ZNF844: variants seen among roughly 807,000 people sequenced by gnomAD.
The protein encoded by ZNF844 is zinc finger protein 844.
In ZNF844, 11 loss-of-function variants were observed where a neutral mutation model predicts 11.4. That is an observed-to-expected ratio of 0.97 (90% CI 0.61 to 1.60). The LOEUF is 1.60. Ranked by LOEUF, ZNF844 falls within the 40% of genes most tolerant of loss-of-function variation. The probability of loss-of-function intolerance (pLI) is 0.00; values close to 1 mark genes in which losing one functional copy is unlikely to be tolerated. For missense variants in ZNF844, 790 were observed against 796.8 expected (o/e 0.99, Z 0.10); for synonymous variants, 248 against 260.3 (o/e 0.95, Z 0.46).
At chr19:12,066,658 T>A (rs1360451287) in intron 1 of ZNF844, among the ~76,000 whole-genome samples, 1 of 149,718 alleles carries the variant, frequency 6.7e-6, no homozygotes, top group Non-Finnish European at 1.5e-5. Flanking sequence ...GCCATTCTCC[T>A]GCCTCAGCCT....
rs1568361138 is a variant in ZNF844, at chr19:12,076,490, C to CA, written c.1371dup (p.Asp458ArgfsTer186). ...AGTGTAAGCAATGTGGGAAAGCCTT[C>CA]AGATCTGCCTCACACCTTCAAATGC... On this transcript the variant is annotated frameshift_variant, in exon 4 of 4. Transcript: ENST00000439326. LOFTEE classifies it low-confidence loss of function (END_TRUNC). 1.2e-6 allele frequency: 2 copies of CA among 1,610,748 alleles called. No homozygotes were observed. Among genetic ancestry groups the CA allele is most frequent in the Non-Finnish European group, 1.7e-6 (2 of 1,178,614 alleles).
In ZNF844 at chr19:12,080,687, A is replaced by G. The variant is rs1975888162; in HGVS notation, c.*3566A>G. Reference sequence around the variant, plus strand: ...AAGGGCAAATTGAAGAGAAATAAAGACTAAGATATTTTTTTAAAAGACTGA... The same window carrying G: ...AAGGGCAAATTGAAGAGAAATAAAGGCTAAGATATTTTTTTAAAAGACTGA... On this transcript the variant is annotated 3_prime_UTR_variant, in exon 4 of 4. Transcript: ENST00000439326. The G allele has an allele frequency of 6.5e-6, 1 of 152,928 alleles. No individual in the cohort carries two copies. The highest frequency in any genetic ancestry group is 1.5e-5 in the Non-Finnish European group (1 of 68,420). The allele number at this position is 152,928 out of a possible 1,614,324, so 9.5% of individuals were successfully genotyped here. A position where few individuals can be genotyped will look rare whatever the true frequency, so the allele number is the denominator to read the frequency against.
intron 1 of ZNF844, among the ~76,000 whole-genome samples, 182 bp from the exon 2 acceptor site, chr19:12,073,849 C>G (rs1021790843): frequency 6.6e-6 from 1 of 152,176 alleles, no homozygotes; most frequent in African/African-American, 2.4e-5. Context: ...TAGTTCTGTT[C>G]CAGCATCAGA....
Position 12,075,760 on chromosome 19 carries a change from A to T in ZNF844, c.640A>T (p.Ile214Leu). 9 of 1,613,818 alleles carry T rather than the reference A, an allele frequency of 5.6e-6. No individual in the cohort carries two copies. Among genetic ancestry groups the T allele is most frequent in the Non-Finnish European group, 7.6e-6 (9 of 1,179,884 alleles). The change falls in exon 4 of 4, where the codon ATA becomes TTA. Residue 214 changes from isoleucine (I) to leucine (L), a missense_variant. Around this residue, in one of 3 missense-constraint regions of ZNF844, gnomAD observed 657 missense variants for 636.2 expected, o/e 1.03. Coordinates refer to ENST00000439326, the MANE Select transcript of ZNF844 (RefSeq NM_001136501.3). Reference sequence around the variant, plus strand: ...CTGCCCTTGTCTCAGCATATATCTTATACATGAACGAGTTCACACTGGAGA... The same window carrying T: ...CTGCCCTTGTCTCAGCATATATCTTTTACATGAACGAGTTCACACTGGAGA... The part of the protein sequence containing the change: ...KACPCLSIYL[I>L]HERVHTGEKP...
At chr19:12,074,316 A>G in intron 2 of ZNF844, 45 bp from the exon 3 acceptor site, 14 of 1,490,402 alleles carry the variant, frequency 9.4e-6, no homozygotes, top group Non-Finnish European at 1.3e-5. Flanking sequence ...ATTTTTTCAT[A>G]ATTTTATTTT....
In ZNF844 at chr19:12,076,170, C is replaced by G. The variant is rs1975813267; in HGVS notation, c.1050C>G (p.Asn350Lys). 6.3e-7 allele frequency: 1 copy of G among 1,580,564 alleles called. No homozygotes were observed. The highest frequency in any genetic ancestry group is 1.4e-5 in the African/African-American group (1 of 73,596). The change falls in exon 4 of 4, where the codon AAC becomes AAG. Residue 350 changes from asparagine (N) to lysine (K), a missense_variant. Asn to Lys is a moderately conservative substitution (Grantham distance 94). Coordinates refer to ENST00000439326, the MANE Select transcript of ZNF844 (RefSeq NM_001136501.3). The part of the protein sequence containing the change: ...KQCGKALSYL[N>K]FQRHMKMHTR... ...GTGGGAAAGCATTATCTTATCTTAA[C>G]TTTCAAAGACACATGAAAATGCACA...
In ZNF844 at chr19:12,077,008, G is replaced by A. The variant is rs370378486; in HGVS notation, c.1888G>A (p.Val630Ile). Residue 630 changes from valine to isoleucine, a missense_variant, in exon 4 of 4, where the codon GTA (valine) becomes ATA (isoleucine). Val to Ile is a conservative substitution (Grantham distance 29, BLOSUM62 3). Around this residue, in one of 3 missense-constraint regions of ZNF844, gnomAD observed 657 missense variants for 636.2 expected, o/e 1.03. Transcript: ENST00000439326. ...EKRSIIFLLC[V>I]YTKGCTLERN... ...GCGTTCAATTATTTTTCTTCTTTGC[G>A]TATACACAAAAGGATGCACACTGGA... 48 of 1,596,380 alleles carry A rather than the reference G, an allele frequency of 3.0e-5. No homozygotes were observed. Among genetic ancestry groups the A allele is most frequent in the East Asian group, 1.4e-4 (6 of 43,472 alleles).
In ZNF844 at chr19:12,065,975, G is replaced by A. The variant is rs115428612; in HGVS notation, c.3+1099G>A. 4.9e-3 allele frequency among the ~76,000 whole-genome samples: 743 copies of A among 152,066 alleles called. 5 individuals are homozygous for A. Among genetic ancestry groups the A allele is most frequent in the African/African-American group, 0.017 (725 of 41,504 alleles). On this transcript the variant is annotated intron_variant, in intron 1 of 3. Transcript: ENST00000439326. ...AACAAGGTCTCACTCTGTCGCCCAGGTTGGAGTGCATGGCGCGATCACGGC... is the reference window on the plus strand; with the variant it reads ...AACAAGGTCTCACTCTGTCGCCCAGATTGGAGTGCATGGCGCGATCACGGC...
At position 12,080,262 on chromosome 19, in the gene ZNF844, A is replaced by G; in HGVS notation, c.*3141A>G. The G allele has an allele frequency of 4.5e-6, 1 of 221,148 alleles. No homozygotes were observed. Among genetic ancestry groups the G allele is most frequent in the Non-Finnish European group, 9.0e-6 (1 of 111,340 alleles). The allele number at this position is 221,148 out of a possible 1,614,324, so 13.7% of individuals were successfully genotyped here. On this transcript the variant is annotated 3_prime_UTR_variant, in exon 4 of 4. Coordinates refer to ENST00000439326, the MANE Select transcript of ZNF844 (RefSeq NM_001136501.3). Reference sequence around the variant, plus strand: ...CTACTCGGGAGGCTGAAGCAGGAGAATGGCGTGAATCCAGGAGGCAGAGCT... The same window carrying G: ...CTACTCGGGAGGCTGAAGCAGGAGAGTGGCGTGAATCCAGGAGGCAGAGCT...
chr19:12,070,691 G>C (rs949201948), intron 1 of ZNF844, among the ~76,000 whole-genome samples: 2 of 152,002 alleles, frequency 1.3e-5, no homozygotes, highest in Non-Finnish European at 2.9e-5. Context: ...CTGAAAACTT[G>C]GTAAAAATTT....
At chr19:12,065,312 T>A (rs1975675931) in intron 1 of ZNF844, among the ~76,000 whole-genome samples, 1 of 152,110 alleles carries the variant, frequency 6.6e-6, no homozygotes, top group Non-Finnish European at 1.5e-5. Flanking sequence ...AATAGAGGCG[T>A]GAGCCACCGC....
Position 12,077,184 on chromosome 19 carries a change from A to C in ZNF844, c.*63A>C. 1 of 1,597,174 alleles carries C rather than the reference A, an allele frequency of 6.3e-7. No individual in the cohort carries two copies. The highest frequency in any genetic ancestry group is 1.1e-5 in the South Asian group (1 of 89,678). ...TTCTTCTGGTTCCTTTCAGTGTCAT[A>C]AAAGGATTCACACTGGAGAGAAACC... On this transcript the variant is annotated 3_prime_UTR_variant, in exon 4 of 4. Transcript: ENST00000439326.
At chr19:12,067,305 C>A (rs1013139536) in intron 1 of ZNF844, among the ~76,000 whole-genome samples, 1 of 152,042 alleles carries the variant, frequency 6.6e-6, no homozygotes, top group African/African-American at 2.4e-5. Flanking sequence ...CAGAGTGAGA[C>A]CCTGTCTCAA....
At chr19:12,065,930 C>T (rs539735350) in intron 1 of ZNF844, among the ~76,000 whole-genome samples, 1 of 152,052 alleles carries the variant, frequency 6.6e-6, no homozygotes, top group East Asian at 2.0e-4. Context: ...CCACCTGGCC[C>T]GGCTAAAAAT....
At position 12,064,761 on chromosome 19, in the gene ZNF844, G is replaced by A. The variant is rs1975668578; in HGVS notation, c.-113G>A. ...TTGGCCCCTCCCGCCGGGTGAGGTT[G>A]GCACCCCGTTTTTCCTGCTCTGAGA... On this transcript the variant is annotated 5_prime_UTR_variant, in exon 1 of 4. Coordinates refer to ENST00000439326, the MANE Select transcript of ZNF844 (RefSeq NM_001136501.3). The A allele has an allele frequency of 2.5e-6, 3 of 1,176,858 alleles. No homozygotes were observed. Among genetic ancestry groups the A allele is most frequent in the South Asian group, 2.9e-5 (2 of 68,744 alleles). The allele number at this position is 1,176,858 out of a possible 1,614,324, so 72.9% of individuals were successfully genotyped here. A position where few individuals can be genotyped will look rare whatever the true frequency, so the allele number is the denominator to read the frequency against.
At chr19:12,069,067 G>A (rs77938068) in intron 1 of ZNF844, among the ~76,000 whole-genome samples, 10,189 of 152,142 alleles carry the variant, frequency 0.067, 489 homozygotes, top group Non-Finnish European at 0.1. Flanking sequence ...CAGATGCAGC[G>A]GGTCAGCGAT....
rs1975814790 is a variant in ZNF844, at chr19:12,076,225, G to A, written c.1105G>A (p.Val369Met). 6.2e-7 allele frequency: 1 copy of A among 1,603,406 alleles called. No individual in the cohort carries two copies. Among genetic ancestry groups the A allele is most frequent in the Non-Finnish European group, 8.5e-7 (1 of 1,174,790 alleles). The change falls in exon 4 of 4, where the codon GTG becomes ATG. Residue 369 changes from valine to methionine, a missense_variant. Coordinates refer to ENST00000439326, the MANE Select transcript of ZNF844 (RefSeq NM_001136501.3). Reference protein sequence around the residue: ...TRMRPYKCKTVEKPLILPVRF... With the variant: ...TRMRPYKCKTMEKPLILPVRF... ...AATGAGACCTTATAAATGTAAGACT[G>A]TGGAAAAGCCTTTGATTCTCCCAGT...
chr19:12,073,642 A>G (rs1568359532), intron 1 of ZNF844, among the ~76,000 whole-genome samples: 2 of 151,986 alleles, frequency 1.3e-5, no homozygotes. Context: ...AACTTTGTGA[A>G]CAGGCATTTT....
At chr19:12,065,217 G>A (rs1345190064) in intron 1 of ZNF844, among the ~76,000 whole-genome samples, 2 of 152,152 alleles carry the variant, frequency 1.3e-5, no homozygotes, top group Non-Finnish European at 2.9e-5. Context: ...CGCCTTGGGT[G>A]TGGGGCTCGT....
Sources: gnomAD v4.1 joint callset for allele counts (sites outside exome capture counted in the v4.1 genomes callset) on GRCh38, gnomAD v4.1.1 for gene constraint, gnomAD v4.1.1 regional missense constraint, MANE v1.5 for transcripts, NCBI Gene and HGNC (gene_info 2026-07-23, HGNC 2026-07-21) for gene names.